SOX6: variants seen among roughly 807,000 people sequenced by gnomAD.
SOX6 encodes SRY-box transcription factor 6.
In SOX6, 11 loss-of-function variants were observed where a neutral mutation model predicts 97.8. The ratio of observed to expected loss-of-function variants is 0.11; its 90% CI spans 0.07 to 0.19. The LOEUF is 0.19. SOX6 is among the 10% of genes least tolerant of loss of function. The probability of loss-of-function intolerance (pLI) is 1.00; values close to 1 mark genes in which losing one functional copy is unlikely to be tolerated. For missense variants in SOX6, 810 were observed against 1,039.5 expected, an observed-to-expected ratio of 0.78 and a Z score of 3.04; for synonymous variants, 360 against 371.4, an observed-to-expected ratio of 0.97 and a Z score of 0.35.
chr11:16,561,382 C>A (rs1240837192), intron 4 of SOX6, among the ~76,000 whole-genome samples: 1 of 152,052 alleles, frequency 6.6e-6, no homozygotes, highest in Admixed American at 6.6e-5. Context: ...CCCACAAACC[C>A]AGACACCTCC....
chr11:16,054,564 G>T (rs1847769039), intron 10 of SOX6, among the ~76,000 whole-genome samples: 2 of 152,130 alleles, frequency 1.3e-5, no homozygotes, highest in African/African-American at 4.8e-5. Flanking sequence ...TGGTATTTGG[G>T]ATGCACTTTT....
At chr11:16,347,282 A>G (rs1393053679) in intron 1 of SOX6, among the ~76,000 whole-genome samples, 2 of 152,072 alleles carry the variant, frequency 1.3e-5, no homozygotes, top group African/African-American at 4.8e-5. Flanking sequence ...ACCTCTATCT[A>G]TACTTTTTGC....
chr11:16,140,563 T>A (rs1002039059), intron 6 of SOX6, among the ~76,000 whole-genome samples: 22 of 152,124 alleles, frequency 1.4e-4, no homozygotes, highest in Non-Finnish European at 3.1e-4. Context: ...TTAAAGAAAA[T>A]GAACATAATG....
chr11:16,112,893 A>G (rs1849264469), intron 6 of SOX6, among the ~76,000 whole-genome samples: 1 of 152,154 alleles, frequency 6.6e-6, no homozygotes, highest in Non-Finnish European at 1.5e-5. Flanking sequence ...TTATTTAAAG[A>G]TGAAAACTAA....
intron 3 of SOX6, among the ~76,000 whole-genome samples, chr11:16,689,643 C>T: frequency 6.6e-6 from 1 of 152,128 alleles, no homozygotes; most frequent in East Asian, 1.9e-4. Flanking sequence ...AAATAAATGT[C>T]CACCTAAATT....
intron 3 of SOX6, among the ~76,000 whole-genome samples, chr11:16,278,509 C>T (rs1015424659): frequency 2.6e-5 from 4 of 152,006 alleles, no homozygotes; most frequent in Non-Finnish European, 2.9e-5. Flanking sequence ...ATAGCGTAGA[C>T]GCCAAGCTTT....
intron 9 of SOX6, among the ~76,000 whole-genome samples, chr11:16,088,460 C>T (rs1848620080): frequency 6.6e-6 from 1 of 152,116 alleles, no homozygotes; most frequent in Non-Finnish European, 1.5e-5. Context: ...TGCCTTTTCA[C>T]CCCTCTCCTC....
chr11:16,705,455 T>C (rs1311819757), intron 3 of SOX6, among the ~76,000 whole-genome samples: 2 of 151,808 alleles, frequency 1.3e-5, no homozygotes, highest in Admixed American at 6.6e-5. Flanking sequence ...AGAGACCTCG[T>C]CCCTAAAAAA....
intron 3 of SOX6, among the ~76,000 whole-genome samples, chr11:16,268,184 G>C (rs748340796): frequency 2.0e-5 from 3 of 151,264 alleles, no homozygotes; most frequent in Non-Finnish European, 4.4e-5. Context: ...CACTAAGAGA[G>C]TAAATCACGA....
chr11:16,328,803 T>C (rs1856187459), intron 2 of SOX6, among the ~76,000 whole-genome samples: 1 of 152,186 alleles, frequency 6.6e-6, no homozygotes, highest in African/African-American at 2.4e-5. Flanking sequence ...CTTTTTAATA[T>C]GCTGAAGACT....
chr11:16,262,406 A>T (rs1853930088), intron 3 of SOX6, among the ~76,000 whole-genome samples: 1 of 152,078 alleles, frequency 6.6e-6, no homozygotes. Flanking sequence ...ATAGGCAGAA[A>T]CATTTCTTAG....
intron 4 of SOX6, among the ~76,000 whole-genome samples, chr11:16,539,633 G>A (rs1030641926): frequency 6.6e-6 from 1 of 152,080 alleles, no homozygotes; most frequent in Non-Finnish European, 1.5e-5. Flanking sequence ...AAATGATAAA[G>A]GGGATATCAC....
At chr11:16,430,457 C>T (rs1859252513) in intron 1 of SOX6, among the ~76,000 whole-genome samples, 1 of 152,180 alleles carries the variant, frequency 6.6e-6, no homozygotes, top group African/African-American at 2.4e-5. Flanking sequence ...TTGAAATCCT[C>T]ATCCTCAAAG....
chr11:16,417,004 C>T (rs540596848), intron 1 of SOX6, among the ~76,000 whole-genome samples: 6 of 152,160 alleles, frequency 3.9e-5, no homozygotes, highest in African/African-American at 1.2e-4. Flanking sequence ...TCATACTGGA[C>T]GAATTTAGCT....
At chr11:16,387,953 C>G (rs1469587245) in intron 1 of SOX6, among the ~76,000 whole-genome samples, 2 of 152,030 alleles carry the variant, frequency 1.3e-5, no homozygotes, top group Admixed American at 1.3e-4. Context: ...TTGCCTCATT[C>G]TAATGGTTGG....
chr11:16,248,789 T>C (rs1853417475), intron 3 of SOX6, among the ~76,000 whole-genome samples: 1 of 152,156 alleles, frequency 6.6e-6, no homozygotes, highest in African/African-American at 2.4e-5. Flanking sequence ...ATTTTCCCCA[T>C]TGTCTTAGTG....
chr11:16,305,394 A>G (rs1855396910), intron 3 of SOX6, among the ~76,000 whole-genome samples: 1 of 152,236 alleles, frequency 6.6e-6, no homozygotes, highest in Admixed American at 6.5e-5. Flanking sequence ...CAGTTAAAAC[A>G]AAAGTGACAA....
At chr11:16,190,745 A>G (rs1369571510) in intron 4 of SOX6, among the ~76,000 whole-genome samples, 2 of 152,156 alleles carry the variant, frequency 1.3e-5, no homozygotes, top group African/African-American at 2.4e-5. Context: ...AAAACACCAT[A>G]CAATAGCTTA....
At chr11:16,323,698 A>T (rs568486874) in intron 2 of SOX6, among the ~76,000 whole-genome samples, 30 of 152,234 alleles carry the variant, frequency 2.0e-4, no homozygotes, top group Admixed American at 1.8e-3. Flanking sequence ...TAACCATATA[A>T]TTTAGCATTT....
Sources: allele counts gnomAD v4.1 joint callset (sites outside exome capture counted in the v4.1 genomes callset), GRCh38; gene constraint gnomAD v4.1.1; transcripts MANE v1.5; gene names NCBI Gene and HGNC (gene_info 2026-07-23, HGNC 2026-07-21).